Variants in ATXN10 observed in about 807,000 individuals in gnomAD.
ATXN10 encodes the protein ataxin 10.
Under a neutral mutation model 52.9 loss-of-function variants are expected in ATXN10, and 28 were observed. The ratio of observed to expected loss-of-function variants is 0.53; its 90% CI spans 0.39 to 0.73. The LOEUF (loss-of-function observed/expected upper bound fraction) is 0.73. Ranked by LOEUF, ATXN10 falls within the 30% of genes least tolerant of loss-of-function variation. The pLI is 0.00. For synonymous variants in ATXN10, 226 were observed against 221.5 expected, an observed-to-expected ratio of 1.02 and a Z score of -0.18; for missense variants, 565 against 577.0, an observed-to-expected ratio of 0.98 and a Z score of 0.21.
Position 45,843,536 on chromosome 22 carries a change from C to A in ATXN10, c.1426-133C>A. 1 of 804,710 alleles carries A rather than the reference C, an allele frequency of 1.2e-6. No homozygotes were observed. The highest frequency in any genetic ancestry group is 2.1e-6 in the Non-Finnish European group (1 of 468,540). The allele number at this position is 804,710 out of a possible 1,614,324, so 49.8% of individuals were successfully genotyped here. On this transcript the variant is annotated intron_variant, in intron 11 of 11. Coordinates refer to ENST00000252934, the MANE Select transcript of ATXN10 (RefSeq NM_013236.4). The surrounding 1 kb of genome is among the most constrained non-coding windows in gnomAD (Gnocchi z 4.5). ...AAACAGAACTCCTTGAATAATATTGCATGAATTGTTTTAGGTTTCTCTAAG... is the reference window on the plus strand; with the variant it reads ...AAACAGAACTCCTTGAATAATATTGAATGAATTGTTTTAGGTTTCTCTAAG...
Position 45,683,601 on chromosome 22 carries a change from A to G in ATXN10, c.117-6111A>G, listed in dbSNP as rs1423806954. 6.6e-6 allele frequency among the ~76,000 whole-genome samples: 1 copy of G among 152,188 alleles called. No individual in the cohort carries two copies. Among genetic ancestry groups the G allele is most frequent in the Non-Finnish European group, 1.5e-5 (1 of 68,036 alleles). On this transcript the variant is annotated intron_variant, in intron 1 of 11. Coordinates refer to ENST00000252934, the MANE Select transcript of ATXN10 (RefSeq NM_013236.4). This position sits in a 1 kb window ranked among gnomAD's most constrained non-coding sequence, Gnocchi z 4.8. Reference sequence around the variant, plus strand: ...ATACTACTTTTAAAATAAGGTTTAAATAATATCTTATGTACAAAATCTTTC... The same window carrying G: ...ATACTACTTTTAAAATAAGGTTTAAGTAATATCTTATGTACAAAATCTTTC...
At chr22:45,693,445 G>A (rs1246457921) in intron 3 of ATXN10, among the ~76,000 whole-genome samples, 2 of 152,160 alleles carry the variant, frequency 1.3e-5, no homozygotes, top group East Asian at 3.8e-4. Flanking sequence ...TTCATAGATG[G>A]TGCCTCTTGC....
rs1394628990 is a variant in ATXN10, at chr22:45,754,598, A to G, written c.1173+14060A>G. 6.6e-6 allele frequency among the ~76,000 whole-genome samples: 1 copy of G among 152,180 alleles called. No individual in the cohort carries two copies. Among genetic ancestry groups the G allele is most frequent in the Non-Finnish European group, 1.5e-5 (1 of 68,040 alleles). On this transcript the variant is annotated intron_variant, in intron 9 of 11. Coordinates refer to ENST00000252934, the MANE Select transcript of ATXN10 (RefSeq NM_013236.4). This position sits in a 1 kb window ranked among gnomAD's most constrained non-coding sequence, Gnocchi z 5.4. ...GTCTCAGTAGTCCCGCAAGCCTGTA[A>G]TCCCAGCACTTTGGGAGGCCGAGGC...
rs1601615763 is a variant in ATXN10, at chr22:45,738,839, G to A, written c.1003G>A (p.Asp335Asn). 6.8e-6 allele frequency: 11 copies of A among 1,610,544 alleles called. No individual in the cohort carries two copies. The East Asian group carries it at 2.2e-4, about 33-fold the overall frequency. The change falls in exon 8 of 12, where the codon GAT becomes AAT. Residue 335 changes from aspartate to asparagine, a missense_variant and splice_region_variant. Physicochemically the swap from Asp to Asn is conservative, Grantham distance 23. Transcript: ENST00000252934. ...CCCTGGCTTGCTGGAAAGAGTGATT[G>A]GTGAGTGAAATATCACACATTGTAT... The part of the protein sequence containing the change: ...VFPGLLERVI[D>N]LLRVIHVAGK...
intron 10 of ATXN10, among the ~76,000 whole-genome samples, chr22:45,829,488 C>G (rs975141321): frequency 1.3e-5 from 2 of 152,094 alleles, no homozygotes; most frequent in Non-Finnish European, 2.9e-5. Context: ...TTCCATCCCC[C>G]TCATACACAA....
rs941063425 is a variant in ATXN10, at chr22:45,708,482, A to G, written c.647+5635A>G. Among the ~76,000 whole-genome samples the G allele has an allele frequency of 7.9e-5, 12 of 152,234 alleles. No homozygotes were observed. Among genetic ancestry groups the G allele is most frequent in the African/African-American group, 2.9e-4 (12 of 41,472 alleles). The stretch of plus-strand genomic sequence containing the variant: ...GTCTGACAAAGGTCACACAACTAGC[A>G]TATAGCAGAGGCAGCATTGCAAGTG... On this transcript the variant is annotated intron_variant, in intron 5 of 11. Transcript: ENST00000252934. This position sits in a 1 kb window ranked among gnomAD's most constrained non-coding sequence, Gnocchi z 5.3.
At chr22:45,822,333 G>T (rs1383187473) in intron 10 of ATXN10, among the ~76,000 whole-genome samples, 2 of 152,022 alleles carry the variant, frequency 1.3e-5, no homozygotes. Context: ...GGATTTCTGG[G>T]CTTCAGGGCA....
intron 10 of ATXN10, among the ~76,000 whole-genome samples, chr22:45,809,324 G>C (rs1378791173): frequency 6.6e-6 from 1 of 151,698 alleles, no homozygotes; most frequent in Non-Finnish European, 1.5e-5. Context: ...CCTTTCTTGT[G>C]CATTTTTTCC....
rs1929375358 is a variant in ATXN10, at chr22:45,842,411, A to G, written c.1238-580A>G. ...CTGAGTATTCAAACTAAACACAGCAAATCCTTCAAAGCCCTTCCAGCTTCA... is the reference window on the plus strand; with the variant it reads ...CTGAGTATTCAAACTAAACACAGCAGATCCTTCAAAGCCCTTCCAGCTTCA... On this transcript the variant is annotated intron_variant, in intron 10 of 11. Transcript: ENST00000252934. The surrounding 1 kb of genome is among the most constrained non-coding windows in gnomAD (Gnocchi z 4.8). Among the ~76,000 whole-genome samples the G allele has an allele frequency of 6.6e-6, 1 of 152,146 alleles. No individual in the cohort carries two copies. Among genetic ancestry groups the G allele is most frequent in the Non-Finnish European group, 1.5e-5 (1 of 68,020 alleles).
At position 45,783,962 on chromosome 22, in the gene ATXN10, G is replaced by A. The variant is rs75007221; in HGVS notation, c.1174-22997G>A. ...TCTTCCTAGGTCTGCTGAGGCTGGC[G>A]GCCCACTACCCGCATTTGTCCCTGA... On this transcript the variant is annotated intron_variant, in intron 9 of 11. Transcript: ENST00000252934. This position sits in a 1 kb window ranked among gnomAD's most constrained non-coding sequence, Gnocchi z 5.0. Among the ~76,000 whole-genome samples, 972 of 152,168 alleles carry A rather than the reference G, an allele frequency of 6.4e-3. 7 individuals carry two copies. Among genetic ancestry groups the A allele is most frequent in the South Asian group, 0.015 (70 of 4,812 alleles).
chr22:45,827,802 A>G (rs969748280), intron 10 of ATXN10, among the ~76,000 whole-genome samples: 4 of 152,250 alleles, frequency 2.6e-5, no homozygotes, highest in Non-Finnish European at 5.9e-5. Flanking sequence ...AGAACACTCT[A>G]TCCTACAACA....
rs1926923825 is a variant in ATXN10, at chr22:45,775,598, G to A, written c.1174-31361G>A. ...TAGAATTAGGTGACTGCCAAACATG[G>A]CTTTCGTCAGTGTTAGCCTGTGTAA... is the stretch of plus-strand genomic sequence containing the variant. On this transcript the variant is annotated intron_variant, in intron 9 of 11. Coordinates refer to ENST00000252934, the MANE Select transcript of ATXN10 (RefSeq NM_013236.4). The surrounding 1 kb of genome is among the most constrained non-coding windows in gnomAD (Gnocchi z 4.7). 2.0e-5 allele frequency among the ~76,000 whole-genome samples: 3 copies of A among 152,146 alleles called. No homozygotes were observed. In the South Asian group the frequency reaches 6.2e-4, roughly 32 times the overall value.
In ATXN10 at chr22:45,835,876, CATTA is replaced by C. The variant is rs1325368898; in HGVS notation, c.1238-7111_1238-7108del. ...AACACTTTCAGTATTAGCAATTAGC[CATTA>C]ATTGGTAAATTGGAGGGTATACATA... On this transcript the variant is annotated intron_variant, in intron 10 of 11. Transcript: ENST00000252934. This position sits in a 1 kb window ranked among gnomAD's most constrained non-coding sequence, Gnocchi z 5.0. Among the ~76,000 whole-genome samples, 1 of 152,042 alleles carries C rather than the reference CATTA, an allele frequency of 6.6e-6. No homozygotes were observed. The highest frequency in any genetic ancestry group is 2.4e-5 in the African/African-American group (1 of 41,364).
chr22:45,758,880 C>G (rs1365518996), intron 9 of ATXN10, among the ~76,000 whole-genome samples: 2 of 152,136 alleles, frequency 1.3e-5, no homozygotes, highest in Non-Finnish European at 2.9e-5. Flanking sequence ...CCAAGCTTAC[C>G]GTTTATTCTG....
chr22:45,832,728 C>T (rs976665743), intron 10 of ATXN10, among the ~76,000 whole-genome samples: 1 of 152,172 alleles, frequency 6.6e-6, no homozygotes, highest in Non-Finnish European at 1.5e-5. Flanking sequence ...ATCTAAATCC[C>T]TTGCTCCAAC....
At chr22:45,777,943 G>A (rs532928007) in intron 9 of ATXN10, among the ~76,000 whole-genome samples, 6 of 152,302 alleles carry the variant, frequency 3.9e-5, no homozygotes, top group Non-Finnish European at 7.4e-5. Context: ...TTTAATGTAG[G>A]GGTGAGCAGA....
Position 45,712,551 on chromosome 22 carries a change from C to T in ATXN10, c.648-5862C>T, listed in dbSNP as rs528208335. ...GACTCAAACCCAGCTCTTTCTGAGA[C>T]CAAAATTTGTGCTCTTAATCTGTAC... is the stretch of plus-strand genomic sequence containing the variant. On this transcript the variant is annotated intron_variant, in intron 5 of 11. Coordinates refer to ENST00000252934, the MANE Select transcript of ATXN10 (RefSeq NM_013236.4). The surrounding 1 kb of genome is among the most constrained non-coding windows in gnomAD (Gnocchi z 4.6). Among the ~76,000 whole-genome samples, 208 of 152,266 alleles carry T rather than the reference C, an allele frequency of 1.4e-3. No individual in the cohort carries two copies. Among genetic ancestry groups the T allele is most frequent in the African/African-American group, 4.8e-3 (198 of 41,556 alleles).
At chr22:45,800,604 A>G (rs1386912686) in intron 9 of ATXN10, among the ~76,000 whole-genome samples, 1 of 152,244 alleles carries the variant, frequency 6.6e-6, no homozygotes, top group Non-Finnish European at 1.5e-5. Flanking sequence ...ATCCACCCAA[A>G]AAATGAAAAC....
At chr22:45,738,666 ATT>A in intron 7 of ATXN10, 63 bp from the exon 8 acceptor site, 10 of 1,286,066 alleles carry the variant, frequency 7.8e-6, no homozygotes, top group Non-Finnish European at 1.1e-5. Flanking sequence ...TCTTACAGTT[ATT>A]TATAACAGTT....
Sources: allele counts gnomAD v4.1 joint callset (sites outside exome capture counted in the v4.1 genomes callset), GRCh38; gene constraint gnomAD v4.1.1; non-coding constraint Gnocchi (gnomAD v3.1); transcripts MANE v1.5; gene names NCBI Gene and HGNC (gene_info 2026-07-23, HGNC 2026-07-21).